SOAT1: variants seen among roughly 807,000 people sequenced by gnomAD.
SOAT1 encodes the protein acyl-coenzyme A:cholesterol acyltransferase 1.
In SOAT1, 55 loss-of-function variants were observed where a neutral mutation model predicts 69.5. The ratio of observed to expected loss-of-function variants is 0.79; its 90% CI spans 0.64 to 0.99. The LOEUF (loss-of-function observed/expected upper bound fraction) is 0.99, where lower values mean the gene tolerates loss of function less well. Among genes scored for constraint, SOAT1 ranks in the 50% least tolerant of loss-of-function variants. The pLI is 0.00. For synonymous variants in SOAT1, 231 were observed against 224.7 expected (o/e 1.03, Z -0.25); for missense variants, 580 against 669.3 (o/e 0.87, Z 1.47).
chr1:179,313,542 GTATA>G (rs1235889629), intron 2 of SOAT1, among the ~76,000 whole-genome samples: 4 of 142,200 alleles, frequency 2.8e-5, no homozygotes, highest in Admixed American at 6.9e-5. Context: ...GTATATGTGT[GTATA>G]TATGTGTATA....
At chr1:179,337,767 T>A in intron 4 of SOAT1, 70 bp from the exon 5 acceptor site, 1 of 1,131,662 alleles carries the variant, frequency 8.8e-7, no homozygotes, top group Non-Finnish European at 1.3e-6. Flanking sequence ...TATATTCTCT[T>A]GTCTGTGGGA....
chr1:179,306,989 C>A (rs898215636), intron 2 of SOAT1, among the ~76,000 whole-genome samples: 13 of 152,148 alleles, frequency 8.5e-5, no homozygotes, highest in Non-Finnish European at 1.8e-4. Context: ...AAACTTCTGG[C>A]ACTAAAAATA....
chr1:179,306,398 G>A (rs533897594), intron 2 of SOAT1, among the ~76,000 whole-genome samples: 28 of 152,250 alleles, frequency 1.8e-4, no homozygotes, highest in African/African-American at 6.0e-4. Context: ...CAAATAGCAA[G>A]CAGTAATTGG....
At chr1:179,299,268 A>G (rs1664753376) in intron 1 of SOAT1, among the ~76,000 whole-genome samples, 1 of 152,202 alleles carries the variant, frequency 6.6e-6, no homozygotes, top group Admixed American at 6.5e-5. Flanking sequence ...GAATTATTTG[A>G]TTTGGGACAA....
intron 15 of SOAT1, among the ~76,000 whole-genome samples, chr1:179,352,458 G>A (rs1031439024): frequency 6.8e-6 from 1 of 148,124 alleles, no homozygotes; most frequent in African/African-American, 2.5e-5. Context: ...TGCATATAGG[G>A]CGTGTCCTAT....
intron 3 of SOAT1, among the ~76,000 whole-genome samples, chr1:179,330,772 T>A (rs1665944384): frequency 6.6e-6 from 1 of 152,208 alleles, no homozygotes; most frequent in African/African-American, 2.4e-5. Context: ...ATTGCCCACA[T>A]GGCTCTAGTC....
intron 11 of SOAT1, among the ~76,000 whole-genome samples, chr1:179,346,315 A>G (rs1037468437): frequency 6.6e-6 from 1 of 152,216 alleles, no homozygotes; most frequent in African/African-American, 2.4e-5. Context: ...CTCTATAAAT[A>G]TATATTTTTC....
intron 5 of SOAT1, among the ~76,000 whole-genome samples, chr1:179,338,323 A>G (rs775939474): frequency 6.6e-6 from 1 of 152,170 alleles, no homozygotes; most frequent in Non-Finnish European, 1.5e-5. Flanking sequence ...GGAAGGGTGG[A>G]GGTTGCCATG....
rs1666216329 is a variant in SOAT1, at chr1:179,337,997, T to C, written c.389+101T>C. 5.6e-6 allele frequency: 4 copies of C among 714,164 alleles called. No homozygotes were observed. In the East Asian group the frequency reaches 1.2e-4, roughly 21 times the overall value. 44.2% of individuals were successfully genotyped at this position (714,164 alleles called of 1,614,324 possible). On this transcript the variant is annotated intron_variant, in intron 5 of 15. Transcript: ENST00000367619. ...GGACATGTAATGAGTTCTGTATCTG[T>C]ATAAATCATTAGTGGGTTTTTTTCT...
intron 6 of SOAT1, 55 bp from the exon 7 acceptor site, chr1:179,340,973 C>T (rs1310155054): frequency 1.3e-6 from 2 of 1,530,174 alleles, no homozygotes; most frequent in Admixed American, 1.9e-5. Context: ...TCTGTGAACT[C>T]AGTGTATATT....
At chr1:179,334,644 G>A (rs74971542) in intron 3 of SOAT1, among the ~76,000 whole-genome samples, 4,670 of 152,166 alleles carry the variant, frequency 0.031, 136 homozygotes, top group African/African-American at 0.073. Context: ...TATTAAAATA[G>A]TTACCTTATA....
chr1:179,298,599 T>C (rs1664731627), intron 1 of SOAT1, among the ~76,000 whole-genome samples: 1 of 152,184 alleles, frequency 6.6e-6, no homozygotes, highest in Admixed American at 6.6e-5. Flanking sequence ...CCTGAGTAGA[T>C]GGGATTACAG....
chr1:179,316,147 C>T (rs572275707), intron 2 of SOAT1, among the ~76,000 whole-genome samples: 28 of 152,226 alleles, frequency 1.8e-4, no homozygotes, highest in African/African-American at 6.5e-4. Context: ...TCAGTATTTT[C>T]CTGCATAAAA....
At chr1:179,307,764 T>C (rs76068386) in intron 2 of SOAT1, among the ~76,000 whole-genome samples, 2 of 152,274 alleles carry the variant, frequency 1.3e-5, no homozygotes, top group Non-Finnish European at 2.9e-5. Context: ...TTTCTGCGTA[T>C]GTAGCACTGT....
rs762045490 is a variant in SOAT1 at position 179,353,586 on chromosome 1, C to T, written c.1598C>T (p.Pro533Leu). 1 of 1,613,438 alleles carries T rather than the reference C, an allele frequency of 6.2e-7. No homozygotes were observed. The highest frequency in any genetic ancestry group is 1.1e-5 in the South Asian group (1 of 91,056). ...YARQHCPLKN[P>L]TFLDYVRPRS... ...CATTCTTATTTTTCCCCACTGCAGCCCACATTTTTGGATTATGTCCGGCCA... is the reference window on the plus strand; with the variant it reads ...CATTCTTATTTTTCCCCACTGCAGCTCACATTTTTGGATTATGTCCGGCCA... Residue 533 changes from proline to leucine, a missense_variant and splice_region_variant, in exon 16 of 16, where the codon CCC becomes CTC. Pro to Leu is a moderately conservative substitution (Grantham distance 98). Transcript: ENST00000367619.
rs112382453 is a variant in SOAT1, at chr1:179,358,319, C to A, written c.*4678C>A. On this transcript the variant is annotated 3_prime_UTR_variant, in exon 16 of 16. Transcript: ENST00000367619. ...TTTCTACATTACTACATTCACATTT[C>A]TGCTGTCAATAAGCCCTAATGGAGT... 6.6e-6 allele frequency: 1 copy of A among 152,156 alleles called. No homozygotes were observed. Among genetic ancestry groups the A allele is most frequent in the African/African-American group, 2.4e-5 (1 of 41,430 alleles). 9.4% of individuals were successfully genotyped at this position (152,156 alleles called of 1,614,324 possible). A position where few individuals can be genotyped will look rare whatever the true frequency, so the allele number is the denominator to read the frequency against.
chr1:179,345,811 A>G (rs72717511), intron 11 of SOAT1, among the ~76,000 whole-genome samples: 17,387 of 151,958 alleles, frequency 0.11, 1,583 homozygotes, highest in African/African-American at 0.25. Flanking sequence ...CAGCCTCTCA[A>G]AGTGCTGGGG....
In SOAT1 at chr1:179,342,882, G is replaced by A. The variant is rs1666389192; in HGVS notation, c.880G>A (p.Val294Ile). ...TCTAGGCACTGTTCCAATACCTACA[G>A]TCAACCAGTATTTGTACTTCTTATT... Reference protein sequence around the residue: ...EKSSTVPIPTVNQYLYFLFAP... With the variant: ...EKSSTVPIPTINQYLYFLFAP... The change falls in exon 9 of 16, where the codon GTC (valine) becomes ATC (isoleucine). Residue 294 changes from valine to isoleucine, a missense_variant. Physicochemically the swap from Val to Ile is conservative, Grantham distance 29. Transcript: ENST00000367619. The A allele has an allele frequency of 1.9e-6, 3 of 1,613,500 alleles. No homozygotes were observed.
intron 2 of SOAT1, among the ~76,000 whole-genome samples, chr1:179,313,109 G>C (rs1358340155): frequency 3.3e-5 from 5 of 152,202 alleles, no homozygotes; most frequent in Non-Finnish European, 4.4e-5. Context: ...GTACTTGTCT[G>C]TTTTATTTGC....
Sources: gnomAD v4.1 joint callset for allele counts (sites outside exome capture counted in the v4.1 genomes callset) on GRCh38, gnomAD v4.1.1 for gene constraint, MANE v1.5 for transcripts, NCBI Gene and HGNC (gene_info 2026-07-23, HGNC 2026-07-21) for gene names.